RELN: variants seen among roughly 807,000 people sequenced by gnomAD.
RELN encodes the protein reelin.
RELN carries 108 observed loss-of-function variants against 427.6 expected under a neutral mutation model. That is an observed-to-expected ratio of 0.25 (90% CI 0.22 to 0.30). The LOEUF (loss-of-function observed/expected upper bound fraction) is 0.30. Ranked by LOEUF, RELN falls within the 10% of genes least tolerant of loss-of-function variation. The pLI, the probability that RELN is intolerant of heterozygous loss-of-function variation, is 1.00. For synonymous variants in RELN, 1,524 were observed against 1,513.4 expected (o/e 1.01, Z -0.16); for missense variants, 3,715 against 4,302.8 (o/e 0.86, Z 3.82).
chr7:103,606,154 T>C (rs904107428), intron 22 of RELN, among the ~76,000 whole-genome samples: 2 of 152,206 alleles, frequency 1.3e-5, no homozygotes, highest in Non-Finnish European at 2.9e-5. Flanking sequence ...CTGAGTTTAC[T>C]CTTTTAAGAT....
At chr7:103,528,908 C>T (rs1190324384) in intron 46 of RELN, among the ~76,000 whole-genome samples, 7 of 150,268 alleles carry the variant, frequency 4.7e-5, no homozygotes, top group Non-Finnish European at 7.4e-5. Context: ...GAGGCCGAGG[C>T]GGGTGGATCA....
At chr7:103,927,259 G>A (rs1486380864) in intron 1 of RELN, among the ~76,000 whole-genome samples, 4 of 152,116 alleles carry the variant, frequency 2.6e-5, no homozygotes, top group African/African-American at 9.7e-5. Context: ...ACATAATGAT[G>A]AACCATCTGT....
intron 3 of RELN, among the ~76,000 whole-genome samples, chr7:103,817,089 T>G (rs1288765394): frequency 6.6e-6 from 1 of 152,120 alleles, no homozygotes; most frequent in African/African-American, 2.4e-5. Context: ...TGACCTCAAG[T>G]GATCCGCCCG....
At chr7:103,602,614 A>T (rs748603391) in intron 24 of RELN, among the ~76,000 whole-genome samples, 1 of 152,126 alleles carries the variant, frequency 6.6e-6, no homozygotes, top group Non-Finnish European at 1.5e-5. Context: ...TCTCACTCAT[A>T]AGTGGGAGTT....
At chr7:103,485,799 T>C (rs1828418325) in intron 61 of RELN, among the ~76,000 whole-genome samples, 1 of 152,242 alleles carries the variant, frequency 6.6e-6, no homozygotes, top group African/African-American at 2.4e-5. Context: ...TGTACTTACA[T>C]AAGCTAAATA....
intron 51 of RELN, among the ~76,000 whole-genome samples, chr7:103,505,576 CA>C (rs1829181388): frequency 6.6e-6 from 1 of 152,146 alleles, no homozygotes. Flanking sequence ...TCACCAACAT[CA>C]AAGACCAAAG....
chr7:103,771,479 G>A (rs1791567959), intron 4 of RELN, among the ~76,000 whole-genome samples: 1 of 152,112 alleles, frequency 6.6e-6, no homozygotes, highest in African/African-American at 2.4e-5. Context: ...ATAGGCTGAT[G>A]GTTCTCAAAT....
chr7:103,786,615 A>C (rs1792023937), intron 3 of RELN, among the ~76,000 whole-genome samples: 1 of 152,122 alleles, frequency 6.6e-6, no homozygotes, highest in Non-Finnish European at 1.5e-5. Context: ...AGGGCATTAC[A>C]TAATAGTAAA....
At chr7:103,598,203 C>T (rs1371248156) in intron 24 of RELN, among the ~76,000 whole-genome samples, 2 of 152,106 alleles carry the variant, frequency 1.3e-5, no homozygotes, top group East Asian at 3.9e-4. Flanking sequence ...AACAAGGGTG[C>T]TAGCAAAATG....
intron 2 of RELN, among the ~76,000 whole-genome samples, chr7:103,849,627 G>A (rs1019594062): frequency 1.3e-5 from 2 of 152,120 alleles, no homozygotes; most frequent in African/African-American, 4.8e-5. Context: ...ACTGTATATA[G>A]TTGTAAGTAC....
intron 1 of RELN, among the ~76,000 whole-genome samples, chr7:103,980,156 G>A (rs554652196): frequency 2.1e-5 from 3 of 144,038 alleles, no homozygotes; most frequent in Admixed American, 1.4e-4. Flanking sequence ...GCGAAACTCT[G>A]TCTCCAAAAA....
chr7:103,948,753 T>A (rs546607923), intron 1 of RELN, among the ~76,000 whole-genome samples: 1 of 152,068 alleles, frequency 6.6e-6, no homozygotes, highest in East Asian at 1.9e-4. Flanking sequence ...ACGGTTGATG[T>A]CTGTAATCCT....
chr7:103,574,605 C>T (rs1000349241), intron 29 of RELN, among the ~76,000 whole-genome samples: 9 of 152,152 alleles, frequency 5.9e-5, no homozygotes, highest in Non-Finnish European at 1.2e-4. Flanking sequence ...CAGATTTCAT[C>T]CACAATAAAA....
At chr7:103,743,379 A>G (rs1790723077) in intron 6 of RELN, among the ~76,000 whole-genome samples, 1 of 152,222 alleles carries the variant, frequency 6.6e-6, no homozygotes, top group African/African-American at 2.4e-5. Flanking sequence ...ACCAGCTAAC[A>G]TCATAATGAC....
intron 2 of RELN, among the ~76,000 whole-genome samples, chr7:103,915,445 G>A (rs1795462716): frequency 6.6e-6 from 1 of 151,590 alleles, no homozygotes; most frequent in South Asian, 2.1e-4. Context: ...CTTTAACATG[G>A]ATCAACATCA....
intron 16 of RELN, among the ~76,000 whole-genome samples, chr7:103,641,739 G>A (rs751243549): frequency 5.3e-5 from 8 of 152,148 alleles, no homozygotes; most frequent in Admixed American, 2.0e-4. Context: ...CTGAGGTCAA[G>A]TATTCCTTGA....
At chr7:103,983,893 G>GTA (rs1377707858) in intron 1 of RELN, among the ~76,000 whole-genome samples, 3 of 139,592 alleles carry the variant, frequency 2.1e-5, no homozygotes, top group African/African-American at 7.9e-5. Context: ...GTGTGTGTGT[G>GTA]TGTATGTCTT....
At chr7:103,630,851 G>GTT (rs869145881) in intron 19 of RELN, among the ~76,000 whole-genome samples, 16 of 20,564 alleles carry the variant, frequency 7.8e-4, no homozygotes, top group Non-Finnish European at 1.3e-3. Flanking sequence ...TTATTTTTTT[G>GTT]TTTTTTTTGT....
chr7:103,676,897 G>C (rs909544625), intron 11 of RELN, among the ~76,000 whole-genome samples: 6 of 152,076 alleles, frequency 3.9e-5, no homozygotes, highest in African/African-American at 1.4e-4. Flanking sequence ...CATGGGGTGG[G>C]AGCAGGGGGG....
Sources: allele counts gnomAD v4.1 joint callset (sites outside exome capture counted in the v4.1 genomes callset), GRCh38; gene constraint gnomAD v4.1.1; transcripts MANE v1.5; gene names NCBI Gene and HGNC (gene_info 2026-07-23, HGNC 2026-07-21).